Variants in CFAP61 observed in about 807,000 individuals in gnomAD.
CFAP61 encodes the protein cilia- and flagella-associated protein 61.
Under a neutral mutation model 135.6 loss-of-function variants are expected in CFAP61, and 107 were observed. That is an observed-to-expected ratio of 0.79 (90% CI 0.67 to 0.93). The LOEUF is 0.93. Among genes scored for constraint, CFAP61 ranks in the 40% least tolerant of loss-of-function variants. The probability of loss-of-function intolerance (pLI) is 0.00; values close to 1 mark genes in which losing one functional copy is unlikely to be tolerated. For synonymous variants in CFAP61, 575 were observed against 578.5 expected (o/e 0.99, Z 0.09); for missense variants, 1,507 against 1,556.2 (o/e 0.97, Z 0.53).
At chr20:20,300,331 G>C (rs974834152) in intron 25 of CFAP61, among the ~76,000 whole-genome samples, 4 of 152,058 alleles carry the variant, frequency 2.6e-5, no homozygotes, top group Non-Finnish European at 5.9e-5. Context: ...AGGTCCTTTG[G>C]GGGTATTCAG....
At chr20:20,322,364 T>G (rs560575232) in intron 25 of CFAP61, among the ~76,000 whole-genome samples, 1 of 152,210 alleles carries the variant, frequency 6.6e-6, no homozygotes, top group Non-Finnish European at 1.5e-5. Context: ...CCAACATGAC[T>G]GTTGGGGGCC....
At chr20:20,089,424 AGCT>A (rs1432676165) in intron 6 of CFAP61, among the ~76,000 whole-genome samples, 2 of 152,056 alleles carry the variant, frequency 1.3e-5, no homozygotes, top group Non-Finnish European at 2.9e-5. Flanking sequence ...CAGTAGATGG[AGCT>A]GCTATTAACG....
At chr20:20,250,129 T>C (rs1234785050) in intron 19 of CFAP61, among the ~76,000 whole-genome samples, 2 of 152,210 alleles carry the variant, frequency 1.3e-5, no homozygotes, top group Non-Finnish European at 2.9e-5. Context: ...GAATTCTCTT[T>C]GTGTGGTAAG....
rs180916779 is a variant in CFAP61, at chr20:20,298,226, C to T, written c.3262C>T (p.Arg1088Ter). ...CAGTGCGAAAAATGGGACTTACTTC[C>T]GAATTCATATTAACAAGTATAAAAT... is the stretch of plus-strand genomic sequence containing the variant. ...TGSAKNGTYF[R>*]IHINKYKMVE... The change falls in exon 25 of 27, where the codon CGA (arginine) becomes TGA (stop). Residue 1088 changes from arginine to a stop codon, truncating the protein, a stop_gained. Transcript: ENST00000245957. LOFTEE classifies it high-confidence loss of function. 25 of 1,614,108 alleles carry T rather than the reference C, an allele frequency of 1.5e-5. No homozygotes were observed. The highest frequency in any genetic ancestry group is 6.7e-5 in the Admixed American group (4 of 60,014).
chr20:20,349,321 A>G (rs2058749952), intron 26 of CFAP61, among the ~76,000 whole-genome samples: 1 of 152,202 alleles, frequency 6.6e-6, no homozygotes, highest in Non-Finnish European at 1.5e-5. Flanking sequence ...GCCTCAGGAA[A>G]TTTCCAGTCA....
intron 18 of CFAP61, among the ~76,000 whole-genome samples, chr20:20,231,778 A>G (rs889948372): frequency 6.6e-6 from 1 of 152,224 alleles, no homozygotes; most frequent in Non-Finnish European, 1.5e-5. Flanking sequence ...GGCATTGAGG[A>G]AGAAAACACC....
In CFAP61 at chr20:20,201,654, G is replaced by A. The variant is rs188591174; in HGVS notation, c.1932+1752G>A. ...GGGTCAGAGACAGTGGCTACATGCT[G>A]TCTCCACCACTGAAACACAGTTTCC... is the stretch of plus-strand genomic sequence containing the variant. On this transcript the variant is annotated intron_variant, in intron 17 of 26. Transcript: ENST00000245957. Among the ~76,000 whole-genome samples, 21 of 152,316 alleles carry A rather than the reference G, an allele frequency of 1.4e-4. No homozygotes were observed. In the East Asian group the frequency reaches 2.1e-3, roughly 15 times the overall value.
chr20:20,309,052 G>A (rs1298824734), intron 25 of CFAP61, among the ~76,000 whole-genome samples: 1 of 152,188 alleles, frequency 6.6e-6, no homozygotes, highest in African/African-American at 2.4e-5. Context: ...GCCACGAGAA[G>A]GAACTGGCCT....
At chr20:20,120,559 A>G (rs983532260) in intron 8 of CFAP61, among the ~76,000 whole-genome samples, 1 of 152,214 alleles carries the variant, frequency 6.6e-6, no homozygotes, top group Non-Finnish European at 1.5e-5. Context: ...TGGAGAATCT[A>G]TTCTGGAGAA....
chr20:20,246,032 T>G, intron 18 of CFAP61, 85 bp from the exon 19 acceptor site: 2 of 808,540 alleles, frequency 2.5e-6, no homozygotes, highest in Non-Finnish European at 4.1e-6. Context: ...GGATGACACG[T>G]GATATAAAGT....
At position 20,288,672 on chromosome 20, in the gene CFAP61, T is replaced by A; in HGVS notation, c.2860T>A (p.Cys954Ser). Reference protein sequence around the residue: ...YETFKALNDACLVYDSRLVID... With the variant: ...YETFKALNDASLVYDSRLVID... ...AACGTTTAAAGCCCTCAATGATGCATGTCTTGTGTATGACAGTCGACTTGT... is the reference window on the plus strand; with the variant it reads ...AACGTTTAAAGCCCTCAATGATGCAAGTCTTGTGTATGACAGTCGACTTGT... Residue 954 changes from cysteine to serine, a missense_variant, in exon 23 of 27, where the codon TGT becomes AGT. Transcript: ENST00000245957. 6.2e-7 allele frequency: 1 copy of A among 1,614,162 alleles called. No homozygotes were observed.
intron 15 of CFAP61, among the ~76,000 whole-genome samples, chr20:20,195,857 T>A (rs761535700): frequency 6.6e-5 from 10 of 152,066 alleles, no homozygotes; most frequent in African/African-American, 7.2e-5. Flanking sequence ...GACAGGCAGA[T>A]CACTTGAGGC....
rs115609577 is a variant in CFAP61, at chr20:20,343,260, G to A, written c.3513+1339G>A. Among the ~76,000 whole-genome samples the A allele has an allele frequency of 5.4e-3, 819 of 152,324 alleles. 6 individuals are homozygous for A. Among genetic ancestry groups the A allele is most frequent in the African/African-American group, 0.019 (778 of 41,570 alleles). On this transcript the variant is annotated intron_variant, in intron 26 of 26. Transcript: ENST00000245957. The stretch of plus-strand genomic sequence containing the variant: ...CATGGTTACTGAACCATACAGGGCC[G>A]AAGTGCGTGTCCTGGGACCTTCTCC...
At chr20:20,065,777 G>A (rs544147830) in intron 2 of CFAP61, among the ~76,000 whole-genome samples, 1 of 152,250 alleles carries the variant, frequency 6.6e-6, no homozygotes, top group African/African-American at 2.4e-5. Context: ...TGGGGAAAGG[G>A]CTGAAAGAAT....
chr20:20,277,266 C>T lies in CFAP61; in HGVS notation c.2604C>T (p.Pro868=), dbSNP rs751785996. The T allele has an allele frequency of 9.3e-6, 15 of 1,614,062 alleles. No homozygotes were observed. In the South Asian group the frequency reaches 1.5e-4, roughly 17 times the overall value. Residue 868 remains proline (P), a synonymous_variant, in exon 22 of 27, where the codon CCC becomes CCT. Coordinates refer to ENST00000245957, the MANE Select transcript of CFAP61 (RefSeq NM_015585.4). ...GCAGCCGCATCCACCTCGTGCAGCCCCCGCCCGCCTCCACCATCACCTGCA... is the reference window on the plus strand; with the variant it reads ...GCAGCCGCATCCACCTCGTGCAGCCTCCGCCCGCCTCCACCATCACCTGCA... The part of the protein sequence containing the change: ...VSGSRIHLVQ[P]PPASTITCIN...
chr20:20,131,471 A>G (rs1191950910), intron 8 of CFAP61, among the ~76,000 whole-genome samples: 1 of 152,126 alleles, frequency 6.6e-6, no homozygotes, highest in Non-Finnish European at 1.5e-5. Context: ...TGTTCAAAGT[A>G]GTAATGTTGC....
chr20:20,129,430 T>A (rs2050332150), intron 8 of CFAP61, among the ~76,000 whole-genome samples: 1 of 151,820 alleles, frequency 6.6e-6, no homozygotes, highest in African/African-American at 2.4e-5. Context: ...TGAAGAAGTC[T>A]GTTGCCAGAT....
intron 17 of CFAP61, among the ~76,000 whole-genome samples, chr20:20,206,199 A>C (rs545098587): frequency 6.6e-6 from 1 of 152,274 alleles, no homozygotes; most frequent in South Asian, 2.1e-4. Context: ...ATTTTCTAGG[A>C]CAGATATTTA....
intron 17 of CFAP61, chr20:20,200,627 A>T: frequency 1.2e-6 from 1 of 844,664 alleles, no homozygotes; most frequent in Non-Finnish European, 1.4e-6. Context: ...TCTTTCACTT[A>T]AGTAAGTAAA....
Sources: allele counts gnomAD v4.1 joint callset (sites outside exome capture counted in the v4.1 genomes callset), GRCh38; gene constraint gnomAD v4.1.1; transcripts MANE v1.5; gene names NCBI Gene and HGNC (gene_info 2026-07-23, HGNC 2026-07-21).